The following SATL1 variants were observed in gnomAD, a reference collection of about 807,000 sequenced individuals.
The protein encoded by SATL1 is spermidine/spermine N(1)-acetyltransferase-like protein 1.
In SATL1, 47 loss-of-function variants were observed where a neutral mutation model predicts 51.8. The observed-to-expected ratio is 0.91, with a 90% CI of 0.72 to 1.16. SATL1 has a LOEUF of 1.16. Among genes scored for constraint, SATL1 ranks in the 50% most tolerant of loss-of-function variants. The pLI, the probability that SATL1 is intolerant of heterozygous loss-of-function variation, is 0.00. For missense variants in SATL1, 520 were observed against 526.4 expected, an observed-to-expected ratio of 0.99 and a Z score of 0.12; for synonymous variants, 176 against 182.4, an observed-to-expected ratio of 0.97 and a Z score of 0.28.
At chrX:85,146,941 C>A (rs1602866946) in intron 2 of SATL1, among the ~76,000 whole-genome samples, 1 of 112,661 alleles carries the variant, frequency 8.9e-6, no homozygotes. Flanking sequence ...CCGGGTTCAT[C>A]TCACTAGGGA....
At chrX:85,225,117 G>C (rs141633548) in intron 1 of SATL1, among the ~76,000 whole-genome samples, 2 of 111,828 alleles carry the variant, frequency 1.8e-5, no homozygotes, top group South Asian at 7.4e-4. Context: ...GATTGAGTTA[G>C]GGGGGTGGGA....
At chrX:85,112,667 A>G (rs1925287423) in intron 2 of SATL1, among the ~76,000 whole-genome samples, 1 of 111,544 alleles carries the variant, frequency 9.0e-6, no homozygotes, top group South Asian at 3.8e-4. Flanking sequence ...AGTTAGACTC[A>G]GACTCTGCCA....
chrX:85,115,830 G>A (rs945886727), intron 2 of SATL1, among the ~76,000 whole-genome samples: 6 of 111,392 alleles, frequency 5.4e-5, no homozygotes, highest in Non-Finnish European at 9.4e-5. Flanking sequence ...TCTCATGAGC[G>A]TCCTGTCCAG....
intron 2 of SATL1, among the ~76,000 whole-genome samples, chrX:85,131,530 G>T (rs1164683837): frequency 4.6e-5 from 5 of 109,189 alleles, no homozygotes. Flanking sequence ...TTTATTTTGA[G>T]CCTATGTGTG....
chrX:85,126,009 G>A (rs1312861735), intron 2 of SATL1, among the ~76,000 whole-genome samples: 1 of 110,398 alleles, frequency 9.1e-6, no homozygotes, highest in Non-Finnish European at 1.9e-5. Flanking sequence ...AAGGATTTCA[G>A]GTCTTTTTCA....
At chrX:85,135,631 G>C (rs1177510283) in intron 2 of SATL1, among the ~76,000 whole-genome samples, 1 of 107,948 alleles carries the variant, frequency 9.3e-6, no homozygotes, top group Non-Finnish European at 1.9e-5. Context: ...GAGTGCAGTG[G>C]CATGATCTCG....
At position 85,225,259 on chromosome X, in the gene SATL1, C is replaced by T. The variant is rs189884948; in HGVS notation, c.-434-933G>A. 3.6e-5 allele frequency among the ~76,000 whole-genome samples: 4 copies of T among 111,568 alleles called. No homozygotes were observed. The East Asian group carries it at 1.1e-3, about 31-fold the overall frequency. ...ATTTTATAGAACAAATACACACACA[C>T]AACTACAGATAAAACTAGGGAAATT... On this transcript the variant is annotated intron_variant, in intron 1 of 7. Transcript: ENST00000644105.
chrX:85,140,338 A>C (rs1926078558), intron 2 of SATL1, among the ~76,000 whole-genome samples: 1 of 111,942 alleles, frequency 8.9e-6, no homozygotes, highest in Non-Finnish European at 1.9e-5. Flanking sequence ...TAAATGTTTT[A>C]CTTGTCTAAT....
At chrX:85,241,065 G>C (rs1444123882) in intron 1 of SATL1, among the ~76,000 whole-genome samples, 1 of 110,492 alleles carries the variant, frequency 9.1e-6, no homozygotes, top group Non-Finnish European at 1.9e-5. Flanking sequence ...CTTTTACGTG[G>C]GATAGTATTT....
intron 2 of SATL1, among the ~76,000 whole-genome samples, chrX:85,135,217 G>A (rs1925922777): frequency 9.0e-6 from 1 of 111,127 alleles, no homozygotes; most frequent in African/African-American, 3.3e-5. Flanking sequence ...AATAGCTAAT[G>A]AATGCTGGGC....
chrX:85,181,907 T>A lies in SATL1; in HGVS notation c.-313+42298A>T, dbSNP rs775897222. On this transcript the variant is annotated intron_variant, in intron 2 of 7. Coordinates refer to ENST00000644105, the MANE Select transcript of SATL1 (RefSeq NM_001367857.2). Reference sequence around the variant, plus strand: ...ACAATGTGTACATTTTTCTGGATTTTTTTGTACATTTGAAACATATACCTC... The same window carrying A: ...ACAATGTGTACATTTTTCTGGATTTATTTGTACATTTGAAACATATACCTC... Among the ~76,000 whole-genome samples, 12 of 111,626 alleles carry A rather than the reference T, an allele frequency of 1.1e-4. No individual in the cohort carries two copies. The East Asian group carries it at 1.1e-3, about 10-fold the overall frequency.
chrX:85,147,377 C>A lies in SATL1; in HGVS notation c.-312-38097G>T, dbSNP rs746583857. 6.2e-5 allele frequency among the ~76,000 whole-genome samples: 7 copies of A among 113,129 alleles called. No individual in the cohort carries two copies. The East Asian group carries it at 1.7e-3, about 27-fold the overall frequency. ...GGAGGCCTGCCTGACTCTGTAGGCT[C>A]CACCTCTGGGGGCAGGGCACAGACA... On this transcript the variant is annotated intron_variant, in intron 2 of 7. Transcript: ENST00000644105.
chrX:85,107,410 C>T lies in SATL1; in HGVS notation c.1559G>A (p.Gly520Asp), dbSNP rs757213730. ...GTAATCCATGCTTGTTTGCCTCATG[C>T]CCATTTGGCTCACACTTGGTTGGCT... ...GRSQPSVSQM[G>D]MRQTSMDYFQ... is the part of the protein sequence containing the mutation. Residue 520 changes from glycine to aspartate, a missense_variant, in exon 3 of 8, where the codon GGC becomes GAC. Physicochemically the swap from Gly to Asp is moderately conservative, Grantham distance 94. Transcript: ENST00000644105. 35 of 1,210,973 alleles carry T rather than the reference C, an allele frequency of 2.9e-5. No homozygotes were observed. Among genetic ancestry groups the T allele is most frequent in the Non-Finnish European group, 3.9e-5 (35 of 895,173 alleles).
At chrX:85,126,542 C>G (rs749083896) in intron 2 of SATL1, among the ~76,000 whole-genome samples, 1 of 111,108 alleles carries the variant, frequency 9.0e-6, no homozygotes. Flanking sequence ...CCACTACTGC[C>G]GCTTTCGGTA....
chrX:85,118,918 A>G (rs1004751709), intron 2 of SATL1, among the ~76,000 whole-genome samples: 1 of 111,688 alleles, frequency 9.0e-6, no homozygotes, highest in African/African-American at 3.2e-5. Context: ...ACATTTTTAT[A>G]AGCAAACAAA....
intron 4 of SATL1, among the ~76,000 whole-genome samples, chrX:85,095,782 C>A (rs1044168052): frequency 2.1e-5 from 2 of 96,299 alleles, no homozygotes; most frequent in Admixed American, 1.1e-4. Flanking sequence ...GCCGAGATCC[C>A]GCCACTGCAC....
chrX:85,130,646 T>A (rs1925766705), intron 2 of SATL1, among the ~76,000 whole-genome samples: 1 of 111,808 alleles, frequency 8.9e-6, no homozygotes, highest in Admixed American at 9.6e-5. Context: ...CTCTATCTCC[T>A]TCTGTTCTGC....
At chrX:85,093,261 T>A in intron 6 of SATL1, 36 bp from the exon 7 acceptor site, 3 of 1,131,649 alleles carry the variant, frequency 2.7e-6, no homozygotes, top group Non-Finnish European at 3.5e-6. Flanking sequence ...AAACTGCAAA[T>A]TTCACTTAAC....
chrX:85,111,899 C>T (rs773307055), intron 2 of SATL1, among the ~76,000 whole-genome samples: 1 of 111,473 alleles, frequency 9.0e-6, no homozygotes, highest in South Asian at 3.8e-4. Flanking sequence ...CAGAATGTAT[C>T]CAAATCATGA....
Sources: gnomAD v4.1 joint callset for allele counts (sites outside exome capture counted in the v4.1 genomes callset) on GRCh38, gnomAD v4.1.1 for gene constraint, MANE v1.5 for transcripts, NCBI Gene and HGNC (gene_info 2026-07-23, HGNC 2026-07-21) for gene names.